CENPC: variants seen among roughly 807,000 people sequenced by gnomAD.
CENPC encodes centromere protein C.
CENPC carries 63 observed loss-of-function variants against 112.1 expected under a neutral mutation model. The observed-to-expected ratio is 0.56, with a 90% CI of 0.46 to 0.69. The LOEUF is 0.69. Among genes scored for constraint, CENPC ranks in the 30% least tolerant of loss-of-function variants. The pLI is 0.00. For missense variants in CENPC, 1,000 were observed against 1,103.8 expected (o/e 0.91, Z 1.33); for synonymous variants, 333 against 367.6 (o/e 0.91, Z 1.08).
chr4:67,511,594 G>A lies in CENPC; in HGVS notation c.1612+808C>T, dbSNP rs1231892187. Among the ~76,000 whole-genome samples, 5 of 152,240 alleles carry A rather than the reference G, an allele frequency of 3.3e-5. No homozygotes were observed. The South Asian group carries it at 8.3e-4, about 25-fold the overall frequency. On this transcript the variant is annotated intron_variant, in intron 9 of 18. Transcript: ENST00000273853. ...TCCCGTCATTTCCTAATTGGCAAAC[G>A]TGGTGTTGTGGGCCTAAACTGCTTA... is the stretch of plus-strand genomic sequence containing the variant.
intron 17 of CENPC, among the ~76,000 whole-genome samples, chr4:67,476,280 C>T (rs1446415920): frequency 1.3e-5 from 2 of 152,168 alleles, no homozygotes; most frequent in Non-Finnish European, 2.9e-5. Flanking sequence ...TTCACAGACT[C>T]TTTGAAAGAA....
intron 13 of CENPC, 55 bp from the exon 14 acceptor site, chr4:67,494,043 A>C: frequency 2.0e-6 from 2 of 987,714 alleles, no homozygotes; most frequent in Non-Finnish European, 3.0e-6. Flanking sequence ...GATGGTACTT[A>C]GCAGTGGAAA....
chr4:67,521,022 C>CAAACAAAT (rs1232736267), intron 5 of CENPC, among the ~76,000 whole-genome samples: 31 of 150,124 alleles, frequency 2.1e-4, no homozygotes, highest in South Asian at 8.4e-4. Context: ...AAAAAATAAA[C>CAAACAAAT]AAATAAATAA....
chr4:67,508,323 G>A (rs1164736867), intron 10 of CENPC, among the ~76,000 whole-genome samples: 2 of 151,756 alleles, frequency 1.3e-5, no homozygotes, highest in African/African-American at 4.8e-5. Flanking sequence ...GACAAGCCTA[G>A]GCAACAAAGC....
In CENPC at chr4:67,483,470, A is replaced by G. The variant is rs76351766; in HGVS notation, c.2670+6497T>C. Among the ~76,000 whole-genome samples, 823 of 152,318 alleles carry G rather than the reference A, an allele frequency of 5.4e-3. 5 individuals are homozygous for G. The highest frequency in any genetic ancestry group is 0.018 in the African/African-American group (763 of 41,564). On this transcript the variant is annotated intron_variant, in intron 17 of 18. Transcript: ENST00000273853. ...GTGGTACAAAACACTTGGTAATGAT[A>G]ATAAACAACTATGCCACTGGCTTAT...
intron 4 of CENPC, among the ~76,000 whole-genome samples, chr4:67,534,087 T>C (rs377352094): frequency 7.9e-5 from 12 of 151,414 alleles, no homozygotes; most frequent in African/African-American, 2.7e-4. Context: ...TAGTTGAATG[T>C]GTCTTTTGTC....
intron 17 of CENPC, among the ~76,000 whole-genome samples, chr4:67,475,803 A>G (rs533620654): frequency 6.6e-6 from 1 of 152,202 alleles, no homozygotes; most frequent in South Asian, 2.1e-4. Flanking sequence ...GGGTTTCACC[A>G]TGGTCTCGAT....
intron 4 of CENPC, among the ~76,000 whole-genome samples, chr4:67,534,107 A>G (rs545268455): frequency 6.6e-6 from 1 of 151,310 alleles, no homozygotes; most frequent in African/African-American, 2.4e-5. Flanking sequence ...CGCAGAAAAA[A>G]AATTGTGTAT....
chr4:67,490,988 C>T (rs906299440), intron 16 of CENPC, among the ~76,000 whole-genome samples: 3 of 149,864 alleles, frequency 2.0e-5, no homozygotes, highest in East Asian at 2.0e-4. Context: ...TACAGCAATG[C>T]TTTCAGTTAA....
At chr4:67,489,380 G>A (rs1194476702) in intron 17 of CENPC, among the ~76,000 whole-genome samples, 2 of 146,018 alleles carry the variant, frequency 1.4e-5, no homozygotes, top group Non-Finnish European at 3.0e-5. Context: ...ACATATAATA[G>A]TATATTATTT....
intron 11 of CENPC, among the ~76,000 whole-genome samples, chr4:67,505,683 A>G (rs1356176245): frequency 6.6e-6 from 1 of 152,032 alleles, no homozygotes; most frequent in Non-Finnish European, 1.5e-5. Context: ...TTATTGTTTT[A>G]TATTTTATTT....
At chr4:67,543,933 G>A (rs1726956403) in intron 2 of CENPC, among the ~76,000 whole-genome samples, 1 of 152,000 alleles carries the variant, frequency 6.6e-6, no homozygotes, top group African/African-American at 2.4e-5. Context: ...CCTCTTCCTG[G>A]TTCCACTATT....
chr4:67,492,683 A>T (rs1194040780), intron 15 of CENPC, 186 bp downstream of exon 15: 2 of 1,000,836 alleles, frequency 2.0e-6, no homozygotes, highest in Non-Finnish European at 2.7e-6. Flanking sequence ...GCTATTAATA[A>T]TTTTTTAAGA....
At chr4:67,526,340 A>T (rs1726377021) in intron 5 of CENPC, among the ~76,000 whole-genome samples, 2 of 147,834 alleles carry the variant, frequency 1.4e-5, no homozygotes, top group African/African-American at 5.3e-5. Flanking sequence ...TAAAAAAAAT[A>T]TTTAAAAAAA....
intron 17 of CENPC, among the ~76,000 whole-genome samples, chr4:67,480,032 A>T (rs546380244): frequency 6.6e-6 from 1 of 152,356 alleles, no homozygotes; most frequent in Non-Finnish European, 1.5e-5. Context: ...CAACAAAAAA[A>T]GTCCAGGCCG....
intron 12 of CENPC, among the ~76,000 whole-genome samples, chr4:67,502,573 G>C (rs973847684): frequency 6.6e-6 from 1 of 152,116 alleles, no homozygotes; most frequent in Non-Finnish European, 1.5e-5. Flanking sequence ...ACATAACAAA[G>C]ACTACAGAAA....
At chr4:67,496,676 G>A (rs1413074698) in intron 12 of CENPC, among the ~76,000 whole-genome samples, 1 of 152,104 alleles carries the variant, frequency 6.6e-6, no homozygotes, top group African/African-American at 2.4e-5. Flanking sequence ...CAAATCTCTA[G>A]ACATCAGAAG....
chr4:67,508,999 T>C lies in CENPC; in HGVS notation c.1719A>G (p.Lys573=), dbSNP rs775017051. The change falls in exon 10 of 19, where the codon AAA becomes AAG. Residue 573 remains lysine (K), a synonymous_variant. Transcript: ENST00000273853. ...TCTGCCTTTTAAGTGGAATAGTTTTTTTCCTAATATTCTTAGATGACTGAT... is the reference window on the plus strand; with the variant it reads ...TCTGCCTTTTAAGTGGAATAGTTTTCTTCCTAATATTCTTAGATGACTGAT... ...KTNQSSKNIR[K]KTIPLKRQKT... 2 of 1,613,464 alleles carry C rather than the reference T, an allele frequency of 1.2e-6. No individual in the cohort carries two copies. The highest frequency in any genetic ancestry group is 1.3e-5 in the African/African-American group (1 of 75,014).
At chr4:67,491,588 G>C (rs1047639819) in intron 16 of CENPC, among the ~76,000 whole-genome samples, 6 of 147,936 alleles carry the variant, frequency 4.1e-5, no homozygotes, top group Admixed American at 2.0e-4. Flanking sequence ...CCCATCCCTT[G>C]GGGATCTTAC....
Sources: allele counts gnomAD v4.1 joint callset (sites outside exome capture counted in the v4.1 genomes callset), GRCh38; gene constraint gnomAD v4.1.1; transcripts MANE v1.5; gene names NCBI Gene and HGNC (gene_info 2026-07-23, HGNC 2026-07-21).